Variants in SPNS1 observed in about 807,000 individuals in gnomAD.
The protein encoded by SPNS1 is protein spinster homolog 1.
In SPNS1, 22 loss-of-function variants were observed where a neutral mutation model predicts 50.3. The observed-to-expected ratio is 0.44, with a 90% CI of 0.31 to 0.62. The LOEUF (loss-of-function observed/expected upper bound fraction) is 0.62, where lower values mean the gene tolerates loss of function less well. Among genes scored for constraint, SPNS1 ranks in the 20% least tolerant of loss-of-function variants. The pLI is 0.07. For synonymous variants in SPNS1, 295 were observed against 317.4 expected (o/e 0.93, Z 0.75); for missense variants, 576 against 728.6 (o/e 0.79, Z 2.41).
rs775798838 is a variant in SPNS1 at position 28,984,255 on chromosome 16, C to T, written c.1543C>T (p.Arg515Trp). ...AGACGACCGGATTGTGGTGCCCCAG[C>T]GGGGCCGCTCCACCCGCGTGCCCGT... Reference protein sequence around the residue: ...STDDRIVVPQRGRSTRVPVAS... With the variant: ...STDDRIVVPQWGRSTRVPVAS... Residue 515 changes from arginine (R) to tryptophan (W), a missense_variant, in exon 12 of 12, where the codon CGG (arginine) becomes TGG (tryptophan). By Grantham distance (101) the Arg-to-Trp change is moderately radical. Transcript: ENST00000311008. 19 of 1,610,594 alleles carry T rather than the reference C, an allele frequency of 1.2e-5. No homozygotes were observed. Among genetic ancestry groups the T allele is most frequent in the South Asian group, 5.5e-5 (5 of 90,686 alleles).
At chr16:28,978,087 C>T in intron 3 of SPNS1, 43 bp downstream of exon 3, 1 of 1,597,974 alleles carries the variant, frequency 6.3e-7, no homozygotes, top group Non-Finnish European at 8.5e-7. Flanking sequence ...ACACCCCCTC[C>T]CTGTCAGTCT....
chr16:28,981,381 C>A lies in SPNS1; in HGVS notation c.664-89C>A. 1 of 1,535,742 alleles carries A rather than the reference C, an allele frequency of 6.5e-7. No individual in the cohort carries two copies. Among genetic ancestry groups the A allele is most frequent in the Non-Finnish European group, 8.9e-7 (1 of 1,126,758 alleles). On this transcript the variant is annotated intron_variant, in intron 5 of 11. Coordinates refer to ENST00000311008, the MANE Select transcript of SPNS1 (RefSeq NM_032038.3). The surrounding 1 kb of genome is among the most constrained non-coding windows in gnomAD (Gnocchi z 4.2). Reference sequence around the variant, plus strand: ...TTAACTGGGTATTTTAGGTCTCAGGCTGGAGTTATCTGTACCCCACACTCT... The same window carrying A: ...TTAACTGGGTATTTTAGGTCTCAGGATGGAGTTATCTGTACCCCACACTCT...
At chr16:28,979,556 A>T (rs1965472436) in intron 5 of SPNS1, 85 bp downstream of exon 5, 1 of 1,457,368 alleles carries the variant, frequency 6.9e-7, no homozygotes, top group Admixed American at 1.7e-5. Context: ...CCCACCGCCC[A>T]TTTTTCTTTT....
chr16:28,984,639 G>T (rs1965695174), downstream of SPNS1: 2 of 616,608 alleles, frequency 3.2e-6, no homozygotes, highest in African/African-American at 3.7e-5. Flanking sequence ...CATTCCTCAG[G>T]GCTCTGGGTG....
In SPNS1 at chr16:28,983,851, C is replaced by T; in HGVS notation, c.1386C>T (p.Phe462=). Residue 462 remains phenylalanine, a synonymous_variant, in exon 11 of 12, where the codon TTC becomes TTT. Coordinates refer to ENST00000311008, the MANE Select transcript of SPNS1 (RefSeq NM_032038.3). The surrounding 1 kb of genome is among the most constrained non-coding windows in gnomAD (Gnocchi z 5.4). ...SFLSEFRALQ[F]SLMLCAFVGA... is the part of the protein sequence containing the mutation. ...TGTCCGAGTTCCGGGCTCTGCAGTT[C>T]TCGCTCATGCTCTGCGCGTTTGTTG... 1 of 1,604,458 alleles carries T rather than the reference C, an allele frequency of 6.2e-7. No homozygotes were observed. Among genetic ancestry groups the T allele is most frequent in the Non-Finnish European group, 8.5e-7 (1 of 1,179,300 alleles).
intron 2 of SPNS1, among the ~76,000 whole-genome samples, chr16:28,976,036 C>T (rs1965329696): frequency 6.6e-6 from 1 of 152,106 alleles, no homozygotes; most frequent in African/African-American, 2.4e-5. Context: ...CTTTGGGAGG[C>T]CAAGATGAGT....
intron 2 of SPNS1, among the ~76,000 whole-genome samples, chr16:28,977,038 G>A (rs557534890): frequency 6.6e-6 from 1 of 152,228 alleles, no homozygotes; most frequent in African/African-American, 2.4e-5. Flanking sequence ...ACAGAAAACA[G>A]TCCAGGCGCT....
At position 28,983,982 on chromosome 16, in the gene SPNS1, C is replaced by T; in HGVS notation, c.1492+25C>T. 1 of 1,532,312 alleles carries T rather than the reference C, an allele frequency of 6.5e-7. No individual in the cohort carries two copies. The highest frequency in any genetic ancestry group is 1.2e-5 in the South Asian group (1 of 81,324). 94.9% of individuals were successfully genotyped at this position (1,532,312 alleles called of 1,614,324 possible). A position where few individuals can be genotyped will look rare whatever the true frequency, so the allele number is the denominator to read the frequency against. On this transcript the variant is annotated intron_variant, in intron 11 of 11. Transcript: ENST00000311008. This position sits in a 1 kb window ranked among gnomAD's most constrained non-coding sequence, Gnocchi z 5.4. ...GGTCAGTTAGGAGCTGTGCCCGGCC[C>T]AGCTTCTTGATCTGCCTGTCTGTCT...
chr16:28,983,859 T>G lies in SPNS1; in HGVS notation c.1394T>G (p.Met465Arg). 1 of 1,604,564 alleles carries G rather than the reference T, an allele frequency of 6.2e-7. No individual in the cohort carries two copies. The highest frequency in any genetic ancestry group is 8.5e-7 in the Non-Finnish European group (1 of 1,179,560). The change falls in exon 11 of 12, where the codon ATG becomes AGG. Residue 465 changes from methionine to arginine, a missense_variant. Transcript: ENST00000311008. This position sits in a 1 kb window ranked among gnomAD's most constrained non-coding sequence, Gnocchi z 5.4. ...SEFRALQFSL[M>R]LCAFVGALGG... is the part of the protein sequence containing the mutation. ...TTCCGGGCTCTGCAGTTCTCGCTCATGCTCTGCGCGTTTGTTGGGGCACTG... is the reference window on the plus strand; with the variant it reads ...TTCCGGGCTCTGCAGTTCTCGCTCAGGCTCTGCGCGTTTGTTGGGGCACTG...
In SPNS1 at chr16:28,984,347, C is replaced by T; in HGVS notation, c.*48C>T. 1.3e-6 allele frequency: 2 copies of T among 1,574,610 alleles called. No homozygotes were observed. Among genetic ancestry groups the T allele is most frequent in the African/African-American group, 2.7e-5 (2 of 74,276 alleles). ...CACATCTGCCACAGCTGGCCCTGGG[C>T]CCACCCCACGAAGGGCCTGGGCCTA... On this transcript the variant is annotated 3_prime_UTR_variant, in exon 12 of 12. Coordinates refer to ENST00000311008, the MANE Select transcript of SPNS1 (RefSeq NM_032038.3).
In SPNS1 at chr16:28,981,339, C is replaced by A; in HGVS notation, c.664-131C>A. On this transcript the variant is annotated intron_variant, in intron 5 of 11. Coordinates refer to ENST00000311008, the MANE Select transcript of SPNS1 (RefSeq NM_032038.3). The surrounding 1 kb of genome is among the most constrained non-coding windows in gnomAD (Gnocchi z 4.2). ...CCCTTCCCCCAGATTGCAGGTTCGGCTTCTTGGAGCAGGCACTTAACTGGG... is the reference window on the plus strand; with the variant it reads ...CCCTTCCCCCAGATTGCAGGTTCGGATTCTTGGAGCAGGCACTTAACTGGG... The A allele has an allele frequency of 8.1e-7, 1 of 1,236,338 alleles. No individual in the cohort carries two copies. The highest frequency in any genetic ancestry group is 1.1e-6 in the Non-Finnish European group (1 of 903,242). 76.6% of individuals were successfully genotyped at this position (1,236,338 alleles called of 1,614,324 possible). A position where few individuals can be genotyped will look rare whatever the true frequency, so the allele number is the denominator to read the frequency against.
Position 28,983,691 on chromosome 16 carries a change from T to A in SPNS1, c.1321-95T>A. 7.2e-7 allele frequency: 1 copy of A among 1,385,506 alleles called. No individual in the cohort carries two copies. Among genetic ancestry groups the A allele is most frequent in the Non-Finnish European group, 9.7e-7 (1 of 1,031,340 alleles). 85.8% of individuals were successfully genotyped at this position (1,385,506 alleles called of 1,614,324 possible). On this transcript the variant is annotated intron_variant, in intron 10 of 11. Coordinates refer to ENST00000311008, the MANE Select transcript of SPNS1 (RefSeq NM_032038.3). The surrounding 1 kb of genome is among the most constrained non-coding windows in gnomAD (Gnocchi z 5.4). The stretch of plus-strand genomic sequence containing the variant: ...TCAAACCTCCTTCCCTTTCCTGGGC[T>A]CCACTTGTCTTTCTCCCTGGAGCTC...
At chr16:28,975,606 G>T (rs774518637) in intron 2 of SPNS1, 49 bp downstream of exon 2, 1 of 1,606,758 alleles carries the variant, frequency 6.2e-7, no homozygotes, top group Non-Finnish European at 8.5e-7. Context: ...CTTCTGTTCT[G>T]TCTCAAGTGG....
Position 28,975,145 on chromosome 16 carries a change from C to T in SPNS1, c.-7C>T. The T allele has an allele frequency of 2.0e-6, 3 of 1,483,372 alleles. No homozygotes were observed. In the South Asian group the frequency reaches 3.9e-5, roughly 19 times the overall value. 91.9% of individuals were successfully genotyped at this position (1,483,372 alleles called of 1,614,324 possible). ...CGGAGCGCGGGCGGGCGCGGCCCCCCGGGACCATGGCCGGGTCCGACACCG... is the reference window on the plus strand; with the variant it reads ...CGGAGCGCGGGCGGGCGCGGCCCCCTGGGACCATGGCCGGGTCCGACACCG... On this transcript the variant is annotated 5_prime_UTR_variant, in exon 1 of 12. Coordinates refer to ENST00000311008, the MANE Select transcript of SPNS1 (RefSeq NM_032038.3).
chr16:28,982,743 GT>G, intron 8 of SPNS1, 113 bp from the exon 9 acceptor site: 1 of 1,311,344 alleles, frequency 7.6e-7, no homozygotes, highest in South Asian at 1.3e-5. Flanking sequence ...AGTAGCACCT[GT>G]CTCACTGGGG....
downstream of SPNS1, chr16:28,984,749 A>T: frequency 1.0e-6 from 1 of 958,920 alleles, no homozygotes. Context: ...GCTTCCCTGG[A>T]GCCTGTCCCT....
At chr16:28,975,617 G>T in intron 2 of SPNS1, 60 bp downstream of exon 2, 1 of 1,592,046 alleles carries the variant, frequency 6.3e-7, no homozygotes, top group Non-Finnish European at 8.6e-7. Flanking sequence ...TCTCAAGTGG[G>T]GCCACGCGCT....
At chr16:28,976,207 G>GGTT (rs1239385464) in intron 2 of SPNS1, among the ~76,000 whole-genome samples, 1 of 152,144 alleles carries the variant, frequency 6.6e-6, no homozygotes, top group East Asian at 1.9e-4. Flanking sequence ...GGGAGGCAGA[G>GGTT]GTTGCAGTGA....
At position 28,979,447 on chromosome 16, in the gene SPNS1, T is replaced by G. The variant is rs774932936; in HGVS notation, c.639T>G (p.Ala213=). 8 of 1,614,024 alleles carry G rather than the reference T, an allele frequency of 5.0e-6. No homozygotes were observed. The highest frequency in any genetic ancestry group is 6.8e-6 in the Non-Finnish European group (8 of 1,180,036). ...CAGGCTCCAAAGTGAAGGATATGGC[T>G]GGAGACTGGCACTGGGCTCTGAGGG... ...YIAGSKVKDM[A]GDWHWALRVT... is the part of the protein sequence containing the mutation. The change falls in exon 5 of 12, where the codon GCT becomes GCG. Residue 213 remains alanine, a synonymous_variant. Coordinates refer to ENST00000311008, the MANE Select transcript of SPNS1 (RefSeq NM_032038.3).
Sources: gnomAD v4.1 joint callset for allele counts (sites outside exome capture counted in the v4.1 genomes callset) on GRCh38, gnomAD v4.1.1 for gene constraint, Gnocchi (gnomAD v3.1) non-coding constraint, MANE v1.5 for transcripts, NCBI Gene and HGNC (gene_info 2026-07-23, HGNC 2026-07-21) for gene names.